CRACD: variants seen among roughly 807,000 people sequenced by gnomAD.
The protein encoded by CRACD is capping protein-inhibiting regulator of actin dynamics.
A neutral mutation model predicts 106.8 loss-of-function variants in CRACD; 56 were observed. That is an observed-to-expected ratio of 0.52 (90% CI 0.42 to 0.66). The LOEUF (loss-of-function observed/expected upper bound fraction) is 0.66. Ranked by LOEUF, CRACD falls within the 30% of genes least tolerant of loss-of-function variation. The pLI, the probability that CRACD is intolerant of heterozygous loss-of-function variation, is 0.00. For synonymous variants in CRACD, 754 were observed against 670.8 expected, an observed-to-expected ratio of 1.12 and a Z score of -1.92; for missense variants, 1,730 against 1,623.2, an observed-to-expected ratio of 1.07 and a Z score of -1.13.
chr4:56,286,081 C>T (rs1231169823), intron 3 of CRACD, among the ~76,000 whole-genome samples: 14 of 152,082 alleles, frequency 9.2e-5, no homozygotes, highest in Admixed American at 9.2e-4. Flanking sequence ...TCTGAGCTGG[C>T]AAATTAACTC....
intron 10 of CRACD, among the ~76,000 whole-genome samples, chr4:56,325,259 CA>C (rs1746363722): frequency 6.6e-6 from 1 of 152,184 alleles, no homozygotes; most frequent in Non-Finnish European, 1.5e-5. Flanking sequence ...TGCTTGAGCC[CA>C]GGAAGTGGAG....
chr4:56,114,286 A>C (rs1247750744), intron 1 of CRACD, among the ~76,000 whole-genome samples: 1 of 151,668 alleles, frequency 6.6e-6, no homozygotes, highest in East Asian at 2.0e-4. Flanking sequence ...TGCAAGGAGG[A>C]ATGGCATCAC....
At chr4:56,320,111 G>T (rs1745973778) in intron 8 of CRACD, among the ~76,000 whole-genome samples, 1 of 151,058 alleles carries the variant, frequency 6.6e-6, no homozygotes. Context: ...TGCAGAGGTT[G>T]CAGTGAGCAG....
At chr4:56,273,347 C>T (rs912590863) in intron 3 of CRACD, among the ~76,000 whole-genome samples, 5 of 140,692 alleles carry the variant, frequency 3.6e-5, no homozygotes, top group South Asian at 5.3e-4. Flanking sequence ...CTCCCTACGT[C>T]CCTCCCTCCC....
chr4:56,208,558 A>G (rs2109487261), intron 2 of CRACD, among the ~76,000 whole-genome samples: 1 of 152,344 alleles, frequency 6.6e-6, no homozygotes, highest in African/African-American at 2.4e-5. Context: ...AATTTTAGGA[A>G]TCTCATATAG....
At chr4:56,164,509 A>G (rs981635741) in intron 1 of CRACD, among the ~76,000 whole-genome samples, 7 of 152,212 alleles carry the variant, frequency 4.6e-5, no homozygotes, top group African/African-American at 1.7e-4. Flanking sequence ...GTGCAACAAC[A>G]TGGAAGAATC....
intron 2 of CRACD, among the ~76,000 whole-genome samples, chr4:56,214,322 C>T (rs1577746612): frequency 6.6e-6 from 1 of 152,082 alleles, no homozygotes; most frequent in South Asian, 2.1e-4. Flanking sequence ...AGGCCGGGTG[C>T]GATGGCTTAC....
intron 1 of CRACD, among the ~76,000 whole-genome samples, chr4:56,079,442 CTTCTT>C (rs1274034486): frequency 2.1e-4 from 31 of 150,302 alleles, no homozygotes; most frequent in Non-Finnish European, 4.0e-4. Context: ...GTAATTTTTT[CTTCTT>C]TTCTTTTTTT....
At chr4:56,269,382 CA>C (rs1742214677) in intron 2 of CRACD, among the ~76,000 whole-genome samples, 1 of 149,312 alleles carries the variant, frequency 6.7e-6, no homozygotes, top group African/African-American at 2.5e-5. Flanking sequence ...GACCCTCTCG[CA>C]AAGTAAAAAA....
At chr4:56,194,622 G>A (rs1737523443) in intron 2 of CRACD, among the ~76,000 whole-genome samples, 1 of 152,172 alleles carries the variant, frequency 6.6e-6, no homozygotes, top group African/African-American at 2.4e-5. Flanking sequence ...TTATGAAGGA[G>A]ACCCAAGAGA....
chr4:56,283,654 C>A (rs1043642404), intron 3 of CRACD, among the ~76,000 whole-genome samples: 1 of 152,152 alleles, frequency 6.6e-6, no homozygotes, highest in African/African-American at 2.4e-5. Context: ...GCTCACTGTG[C>A]GGCCTAATGG....
intron 2 of CRACD, among the ~76,000 whole-genome samples, chr4:56,215,287 T>C (rs1738619452): frequency 6.6e-6 from 1 of 152,170 alleles, no homozygotes; most frequent in Non-Finnish European, 1.5e-5. Context: ...TTCCAAAGCA[T>C]TGGGATTACA....
intron 2 of CRACD, among the ~76,000 whole-genome samples, chr4:56,201,286 C>T (rs1391789755): frequency 7.2e-5 from 11 of 152,102 alleles, no homozygotes; most frequent in African/African-American, 2.4e-4. Context: ...TAAAATAAAC[C>T]GTCTCTCTTT....
At chr4:56,141,924 C>A (rs1253357290) in intron 1 of CRACD, among the ~76,000 whole-genome samples, 1 of 151,900 alleles carries the variant, frequency 6.6e-6, no homozygotes, top group Admixed American at 6.6e-5. Flanking sequence ...CATCTCTTGA[C>A]CTCAAGTGAT....
At chr4:56,240,954 C>T (rs1467888063) in intron 2 of CRACD, among the ~76,000 whole-genome samples, 2 of 152,138 alleles carry the variant, frequency 1.3e-5, no homozygotes, top group East Asian at 3.9e-4. Context: ...TTGCAGATGC[C>T]CTGCCACGCT....
intron 2 of CRACD, among the ~76,000 whole-genome samples, chr4:56,213,849 T>C (rs1313076915): frequency 6.6e-6 from 1 of 152,206 alleles, no homozygotes; most frequent in East Asian, 1.9e-4. Context: ...TTTGGCTGAA[T>C]TTAAAATATG....
At chr4:56,257,592 G>C (rs1741443432) in intron 2 of CRACD, among the ~76,000 whole-genome samples, 5 of 152,024 alleles carry the variant, frequency 3.3e-5, no homozygotes, top group Admixed American at 3.3e-4. Context: ...CTACTCCAGA[G>C]GCTGAGGTGA....
At chr4:56,090,694 C>T (rs1733399029) in intron 1 of CRACD, among the ~76,000 whole-genome samples, 1 of 152,162 alleles carries the variant, frequency 6.6e-6, no homozygotes, top group Non-Finnish European at 1.5e-5. Context: ...TGCGCCCAGT[C>T]AGGGCCAGGG....
intron 2 of CRACD, among the ~76,000 whole-genome samples, chr4:56,191,491 C>T (rs374004807): frequency 3.9e-5 from 6 of 152,218 alleles, no homozygotes; most frequent in African/African-American, 1.4e-4. Flanking sequence ...ACATTTCTGC[C>T]TCCCTCTTAT....
Sources: gnomAD v4.1 joint callset for allele counts (sites outside exome capture counted in the v4.1 genomes callset) on GRCh38, gnomAD v4.1.1 for gene constraint, MANE v1.5 for transcripts, NCBI Gene and HGNC (gene_info 2026-07-23, HGNC 2026-07-21) for gene names.